PRICKLE2: variants seen among roughly 807,000 people sequenced by gnomAD.
The protein encoded by PRICKLE2 is prickle planar cell polarity protein 2.
PRICKLE2 carries 21 observed loss-of-function variants against 81.4 expected under a neutral mutation model. That is an observed-to-expected ratio of 0.26 (90% confidence interval 0.18 to 0.37). PRICKLE2 has a LOEUF of 0.37. Ranked by LOEUF, PRICKLE2 falls within the 10% of genes least tolerant of loss-of-function variation. The pLI is 1.00. For synonymous variants in PRICKLE2, 456 were observed against 421.5 expected, an observed-to-expected ratio of 1.08 and a Z score of -1.00; for missense variants, 940 against 1,109.0, an observed-to-expected ratio of 0.85 and a Z score of 2.16.
chr3:64,227,558 T>C (rs577922530), upstream of PRICKLE2, among the ~76,000 whole-genome samples: 12 of 152,280 alleles, frequency 7.9e-5, no homozygotes, highest in African/African-American at 2.6e-4. Context: ...ATGTGACACA[T>C]CACTACCAAC....
chr3:64,214,953 TC>T (rs1445225232), intron 1 of PRICKLE2, among the ~76,000 whole-genome samples: 1 of 152,082 alleles, frequency 6.6e-6, no homozygotes, highest in Non-Finnish European at 1.5e-5. Flanking sequence ...ATCTTTACTA[TC>T]CTACTCCAAC....
At chr3:64,220,697 C>G (rs531053761) in intron 1 of PRICKLE2, among the ~76,000 whole-genome samples, 10 of 152,260 alleles carry the variant, frequency 6.6e-5, no homozygotes, top group African/African-American at 2.2e-4. Context: ...CAAACGAGGC[C>G]AGCCCTGATT....
chr3:64,193,446 T>C (rs986522527), intron 2 of PRICKLE2, among the ~76,000 whole-genome samples: 4 of 152,110 alleles, frequency 2.6e-5, no homozygotes, highest in Non-Finnish European at 4.4e-5. Context: ...AACCTACCAA[T>C]AGAAAACTAT....
At chr3:64,157,086 A>G in intron 5 of PRICKLE2, 76 bp downstream of exon 5, 4 of 1,380,934 alleles carry the variant, frequency 2.9e-6, no homozygotes, top group Non-Finnish European at 4.1e-6. Flanking sequence ...CAGTGCAGAA[A>G]GCCAGAAGAC....
chr3:64,107,321 C>A (rs567039641), intron 7 of PRICKLE2, among the ~76,000 whole-genome samples: 1 of 152,260 alleles, frequency 6.6e-6, no homozygotes, highest in East Asian at 1.9e-4. Flanking sequence ...GCGAGAAAAT[C>A]AATGTTCTTC....
chr3:64,222,184 G>A (rs2078966105), intron 1 of PRICKLE2, among the ~76,000 whole-genome samples: 1 of 152,142 alleles, frequency 6.6e-6, no homozygotes, highest in Admixed American at 6.5e-5. Context: ...ATATTCATAT[G>A]AGGAAGCCAA....
chr3:64,203,973 G>A (rs1042707234), intron 1 of PRICKLE2, among the ~76,000 whole-genome samples: 1 of 151,794 alleles, frequency 6.6e-6, no homozygotes, highest in Non-Finnish European at 1.5e-5. Context: ...GCGAGATGCT[G>A]TCTCAACACA....
intron 2 of PRICKLE2, among the ~76,000 whole-genome samples, chr3:64,261,670 A>T (rs377501581): frequency 1.3e-5 from 2 of 152,208 alleles, no homozygotes; most frequent in East Asian, 3.9e-4. Context: ...CATTCCAAGC[A>T]GAAAGAACAG....
At chr3:64,169,385 G>A (rs532998910) in intron 2 of PRICKLE2, among the ~76,000 whole-genome samples, 6 of 152,250 alleles carry the variant, frequency 3.9e-5, no homozygotes, top group East Asian at 3.9e-4. Flanking sequence ...CCTGGATTGC[G>A]TTTCTCTGAA....
At chr3:64,216,860 C>A (rs1308919860) in intron 1 of PRICKLE2, among the ~76,000 whole-genome samples, 2 of 152,226 alleles carry the variant, frequency 1.3e-5, no homozygotes, top group African/African-American at 4.8e-5. Flanking sequence ...TTCGGAGTGG[C>A]CCAACCTCCA....
chr3:64,153,032 C>A, intron 6 of PRICKLE2, 150 bp downstream of exon 6: 2 of 845,332 alleles, frequency 2.4e-6, no homozygotes, highest in Non-Finnish European at 4.0e-6. Context: ...CTTGGCCTTT[C>A]TAGTGTCATG....
At chr3:64,262,372 T>A (rs1471578813) in intron 2 of PRICKLE2, among the ~76,000 whole-genome samples, 1 of 151,924 alleles carries the variant, frequency 6.6e-6, no homozygotes, top group Non-Finnish European at 1.5e-5. Flanking sequence ...AGTCAAGGCT[T>A]AAGGAAAGGA....
intron 2 of PRICKLE2, among the ~76,000 whole-genome samples, chr3:64,262,335 G>A (rs992599300): frequency 1.6e-4 from 25 of 152,158 alleles, no homozygotes; most frequent in Non-Finnish European, 3.1e-4. Flanking sequence ...AAGCAACTGG[G>A]TAGCTGGAGG....
At chr3:64,123,118 T>G (rs2077051740) in intron 7 of PRICKLE2, among the ~76,000 whole-genome samples, 1 of 152,162 alleles carries the variant, frequency 6.6e-6, no homozygotes, top group African/African-American at 2.4e-5. Context: ...ATCCAGCCAT[T>G]AGAAGGACCA....
chr3:64,237,577 T>C (rs780425395), intron 2 of PRICKLE2, among the ~76,000 whole-genome samples: 2 of 152,116 alleles, frequency 1.3e-5, no homozygotes, highest in Non-Finnish European at 2.9e-5. Context: ...CCTCTGCCAG[T>C]GGAGCCTGGG....
chr3:64,234,956 T>C (rs1277558979), intron 2 of PRICKLE2, among the ~76,000 whole-genome samples: 1 of 152,224 alleles, frequency 6.6e-6, no homozygotes, highest in African/African-American at 2.4e-5. Flanking sequence ...TTTCTTCAAA[T>C]ATTTTTTCAG....
rs12494884 is a variant in PRICKLE2, at chr3:64,209,163, A to C, written c.-40-10196T>G. On this transcript the variant is annotated intron_variant, in intron 1 of 7. Coordinates refer to ENST00000638394, the MANE Select transcript of PRICKLE2 (RefSeq NM_198859.4). ...TACACATCTATCCACCTATCCACCCATCTATCGATCCATTCATATCCATAC... is the reference window on the plus strand; with the variant it reads ...TACACATCTATCCACCTATCCACCCCTCTATCGATCCATTCATATCCATAC... Among the ~76,000 whole-genome samples the C allele has an allele frequency of 3.9e-3, 596 of 152,002 alleles. 13 individuals are homozygous for C. The highest frequency in any genetic ancestry group is 0.028 in the East Asian group (146 of 5,136).
At chr3:64,174,695 C>A in intron 2 of PRICKLE2, 1 of 204,794 alleles carries the variant, frequency 4.9e-6, no homozygotes. Context: ...TGGATTTCAC[C>A]TTTGTGTGTC....
chr3:64,136,137 T>C lies in PRICKLE2; in HGVS notation c.1660+10693A>G, dbSNP rs114835812. 6.6e-3 allele frequency among the ~76,000 whole-genome samples: 1,012 copies of C among 152,302 alleles called. 17 individuals carry two copies. The highest frequency in any genetic ancestry group is 0.023 in the African/African-American group (948 of 41,550). ...ATTTACTACACCAAGAGTGATTTGA[T>C]GTCAAGGACATCTTCAGAAATTTTG... On this transcript the variant is annotated intron_variant, in intron 7 of 7. Coordinates refer to ENST00000638394, the MANE Select transcript of PRICKLE2 (RefSeq NM_198859.4).
Sources: gnomAD v4.1 joint callset for allele counts (sites outside exome capture counted in the v4.1 genomes callset) on GRCh38, gnomAD v4.1.1 for gene constraint, MANE v1.5 for transcripts, NCBI Gene and HGNC (gene_info 2026-07-23, HGNC 2026-07-21) for gene names.